Variants in LRP5 observed in about 807,000 individuals in gnomAD.
LRP5 encodes the protein low-density lipoprotein receptor-related protein 5.
A neutral mutation model predicts 154.1 loss-of-function variants in LRP5; 62 were observed. That is an observed-to-expected ratio of 0.40 (90% CI 0.33 to 0.50). LRP5 has a LOEUF of 0.50. Ranked by LOEUF, LRP5 falls within the 20% of genes least tolerant of loss-of-function variation. The probability of loss-of-function intolerance (pLI) is 0.55; values close to 1 mark genes in which losing one functional copy is unlikely to be tolerated. For missense variants in LRP5, 1,915 were observed against 2,336.7 expected (o/e 0.82, Z 3.72); for synonymous variants, 966 against 1,011.5 (o/e 0.96, Z 0.85).
Position 68,426,045 on chromosome 11 carries a change from G to A in LRP5, c.3495G>A (p.Lys1165=). The part of the protein sequence containing the change: ...VQPLGLTILG[K]HLYWIDRQQQ... ...CTCTGGGCCTGACCATCCTTGGCAAGCATCTCTACTGGATCGACCGCCAGC... is the reference window on the plus strand; with the variant it reads ...CTCTGGGCCTGACCATCCTTGGCAAACATCTCTACTGGATCGACCGCCAGC... The change falls in exon 16 of 23, where the codon AAG becomes AAA. Residue 1165 remains lysine (K), a synonymous_variant. Transcript: ENST00000294304. The A allele has an allele frequency of 6.2e-7, 1 of 1,613,654 alleles. No homozygotes were observed.
rs544231151 is a variant in LRP5, at chr11:68,386,791, A to G, written c.1412+79A>G. ...AGAGGGAGATTGACCTGGACCTGTCATTCTGGGACACTGTCTTGCATCAGA... is the reference window on the plus strand; with the variant it reads ...AGAGGGAGATTGACCTGGACCTGTCGTTCTGGGACACTGTCTTGCATCAGA... On this transcript the variant is annotated intron_variant, in intron 6 of 22. Transcript: ENST00000294304. The surrounding 1 kb of genome is among the most constrained non-coding windows in gnomAD (Gnocchi z 7.9). 6.8e-7 allele frequency: 1 copy of G among 1,467,010 alleles called. No homozygotes were observed. Among genetic ancestry groups the G allele is most frequent in the South Asian group, 1.3e-5 (1 of 79,068 alleles). 90.9% of individuals were successfully genotyped at this position (1,467,010 alleles called of 1,614,324 possible).
chr11:68,320,650 C>T (rs748370366), intron 1 of LRP5, among the ~76,000 whole-genome samples: 2 of 151,952 alleles, frequency 1.3e-5, no homozygotes, highest in African/African-American at 2.4e-5. Flanking sequence ...TTGGTAGAGA[C>T]AGGGTTTCAC....
chr11:68,427,057 A>G (rs1035341069), intron 16 of LRP5, among the ~76,000 whole-genome samples: 1 of 152,020 alleles, frequency 6.6e-6, no homozygotes, highest in Non-Finnish European at 1.5e-5. Flanking sequence ...TTTGCTTCTA[A>G]AGGGCCCTGT....
At chr11:68,430,626 T>C (rs2098671357) in intron 17 of LRP5, among the ~76,000 whole-genome samples, 1 of 152,250 alleles carries the variant, frequency 6.6e-6, no homozygotes, top group Non-Finnish European at 1.5e-5. Flanking sequence ...AGGTTGTCTC[T>C]ATCCTTCCTT....
chr11:68,411,249 AC>A (rs2098659268), intron 10 of LRP5, among the ~76,000 whole-genome samples, 186 bp from the exon 11 acceptor site: 1 of 152,012 alleles, frequency 6.6e-6, no homozygotes, highest in Admixed American at 6.6e-5. Context: ...CGCAGTGACC[AC>A]CCCTGGAGGG....
chr11:68,316,651 T>C (rs936803099), intron 1 of LRP5, among the ~76,000 whole-genome samples: 3 of 152,224 alleles, frequency 2.0e-5, no homozygotes, highest in African/African-American at 7.2e-5. Context: ...ATCCGCTGAT[T>C]GGATTGATCT....
At chr11:68,391,371 G>A (rs970697522) in intron 7 of LRP5, among the ~76,000 whole-genome samples, 4 of 152,196 alleles carry the variant, frequency 2.6e-5, no homozygotes, top group Non-Finnish European at 2.9e-5. Flanking sequence ...GCCTCTCCTC[G>A]GGGTGGATGC....
chr11:68,330,546 G>C (rs1292170098), intron 1 of LRP5, among the ~76,000 whole-genome samples: 3 of 152,244 alleles, frequency 2.0e-5, no homozygotes, highest in Non-Finnish European at 4.4e-5. Context: ...GGCTCCATGG[G>C]GTTCTGGGTC....
At chr11:68,448,688 G>A (rs2098682744) in intron 22 of LRP5, 121 bp from the exon 23 acceptor site, 1 of 1,286,168 alleles carries the variant, frequency 7.8e-7, no homozygotes. Context: ...CCAGAGTCCG[G>A]CCTGCATCTT....
At chr11:68,436,090 G>A (rs200815227) in intron 18 of LRP5, among the ~76,000 whole-genome samples, 8 of 152,202 alleles carry the variant, frequency 5.3e-5, no homozygotes, top group Non-Finnish European at 1.0e-4. Context: ...CCCTCGTCCC[G>A]CTCTAGCTTC....
In LRP5 at chr11:68,413,909, C is replaced by A. The variant is rs143539498; in HGVS notation, c.2724C>A (p.His908Gln). 20 of 1,612,584 alleles carry A rather than the reference C, an allele frequency of 1.2e-5. No individual in the cohort carries two copies. The highest frequency in any genetic ancestry group is 1.7e-5 in the Non-Finnish European group (20 of 1,180,020). ...AGGATGGCCTCAATGACTGTATGCA[C>A]AACAACGGGCAGTGTGGGCAGCTGT... is the stretch of plus-strand genomic sequence containing the variant. ...SRQDGLNDCM[H>Q]NNGQCGQLCL... The change falls in exon 12 of 23, where the codon CAC becomes CAA. Residue 908 changes from histidine to glutamine, a missense_variant. By Grantham distance (24) the His-to-Gln change is conservative (BLOSUM62 0). This residue lies in a region of LRP5 where 1,094 missense variants were observed against 1,210.1 expected (regional missense o/e 0.90). Coordinates refer to ENST00000294304, the MANE Select transcript of LRP5 (RefSeq NM_002335.4). The surrounding 1 kb of genome is among the most constrained non-coding windows in gnomAD (Gnocchi z 5.1).
intron 21 of LRP5, 45 bp downstream of exon 21, chr11:68,439,961 G>T (rs2098677303): frequency 6.8e-7 from 1 of 1,475,258 alleles, no homozygotes; most frequent in East Asian, 2.5e-5. Flanking sequence ...TGGGGCTGTG[G>T]GCCCCTCCCA....
At chr11:68,431,401 G>A (rs527491545) in intron 17 of LRP5, among the ~76,000 whole-genome samples, 78 of 151,948 alleles carry the variant, frequency 5.1e-4, no homozygotes, top group African/African-American at 1.7e-3. Context: ...CACCACGCCC[G>A]GCTAATTTTT....
Position 68,357,859 on chromosome 11 carries a change from C to T in LRP5, c.686+12C>T, listed in dbSNP as rs369378989. On this transcript the variant is annotated intron_variant, in intron 3 of 22. Transcript: ENST00000294304. The stretch of plus-strand genomic sequence containing the variant: ...GACGGCTCGTTCCGGTAGGTACCCA[C>T]GCAGTCCTGGGGCACCCCTTTCCCC... 61 of 1,605,254 alleles carry T rather than the reference C, an allele frequency of 3.8e-5. No individual in the cohort carries two copies. Among genetic ancestry groups the T allele is most frequent in the Non-Finnish European group, 4.8e-5 (57 of 1,176,360 alleles).
At chr11:68,304,797 G>A in the LRP5 span, among the ~76,000 whole-genome samples, 1 of 152,236 alleles carries the variant, frequency 6.6e-6, no homozygotes, top group African/African-American at 2.4e-5. Flanking sequence ...ACTTGCTTGG[G>A]GCCTATAGCC....
Position 68,403,595 on chromosome 11 carries a change from G to A in LRP5, c.1697G>A (p.Arg566His), listed in dbSNP as rs587783024. The A allele has an allele frequency of 4.3e-6, 7 of 1,614,062 alleles. No individual in the cohort carries two copies. Among genetic ancestry groups the A allele is most frequent in the Admixed American group, 3.3e-5 (2 of 60,012 alleles). ...DFIYWTDWQR[R>H]SIERVHKVKA... ...ATCTACTGGACTGACTGGCAGCGCC[G>A]CAGCATCGAGCGGGTGCACAAGGTC... is the stretch of plus-strand genomic sequence containing the variant. Residue 566 changes from arginine to histidine, a missense_variant, in exon 8 of 23, where the codon CGC becomes CAC. By Grantham distance (29) the Arg-to-His change is conservative. This residue lies in a region of LRP5 where 773 missense variants were observed against 1,100.9 expected (regional missense o/e 0.70). Coordinates refer to ENST00000294304, the MANE Select transcript of LRP5 (RefSeq NM_002335.4).
At chr11:68,370,692 C>T (rs1033406143) in intron 5 of LRP5, among the ~76,000 whole-genome samples, 2 of 152,198 alleles carry the variant, frequency 1.3e-5, no homozygotes, top group East Asian at 1.9e-4. Context: ...TGCCCTCAGC[C>T]GTGAGAGGCA....
chr11:68,340,310 C>G (rs2098608200), intron 1 of LRP5, among the ~76,000 whole-genome samples: 1 of 152,150 alleles, frequency 6.6e-6, no homozygotes, highest in South Asian at 2.1e-4. Flanking sequence ...AACTGAGGCT[C>G]TGGGAGATGG....
chr11:68,441,173 G>A lies in LRP5; in HGVS notation c.4488+1257G>A, dbSNP rs539650433. 5.1e-4 allele frequency among the ~76,000 whole-genome samples: 77 copies of A among 152,178 alleles called. No individual in the cohort carries two copies. In the South Asian group the frequency reaches 0.016, roughly 31 times the overall value. ...GGCTAACTGCAGCCTCTACCTTCTA[G>A]GCTCAAGCAATCCTCCCATCTCAGC... On this transcript the variant is annotated intron_variant, in intron 21 of 22. Coordinates refer to ENST00000294304, the MANE Select transcript of LRP5 (RefSeq NM_002335.4).
Sources: allele counts gnomAD v4.1 joint callset (sites outside exome capture counted in the v4.1 genomes callset), GRCh38; gene constraint gnomAD v4.1.1; regional missense constraint gnomAD v4.1.1; non-coding constraint Gnocchi (gnomAD v3.1); transcripts MANE v1.5; gene names NCBI Gene and HGNC (gene_info 2026-07-23, HGNC 2026-07-21).